The following ATP1A3 variants were observed in gnomAD, a reference collection of about 807,000 sequenced individuals.
The protein encoded by ATP1A3 is ATPase Na+/K+ transporting subunit alpha 3, also known as sodium/potassium-transporting ATPase subunit alpha-3.
Under a neutral mutation model 108.8 loss-of-function variants are expected in ATP1A3, and 12 were observed. The ratio of observed to expected loss-of-function variants is 0.11; its 90% CI spans 0.07 to 0.18. The LOEUF (loss-of-function observed/expected upper bound fraction) is 0.18, where lower values mean the gene tolerates loss of function less well. ATP1A3 is among the 10% of genes least tolerant of loss of function. ATP1A3 has a pLI of 1.00. For synonymous variants in ATP1A3, 539 were observed against 564.5 expected (o/e 0.95, Z 0.64); for missense variants, 498 against 1,387.7 (o/e 0.36, Z 10.19).
intron 14 of ATP1A3, 84 bp downstream of exon 14, chr19:41,977,852 C>T (rs1362510921): frequency 9.0e-5 from 140 of 1,564,226 alleles, no homozygotes; most frequent in Non-Finnish European, 1.2e-4. Context: ...ACAGGCAGTG[C>T]AGAGGGAGGT....
At chr19:41,982,892 T>TG (rs1555864018) in intron 8 of ATP1A3, among the ~76,000 whole-genome samples, 1 of 152,042 alleles carries the variant, frequency 6.6e-6, no homozygotes, top group East Asian at 1.9e-4. Context: ...ACCCTTGGGT[T>TG]GGGGGGCAGG....
Position 41,970,484 on chromosome 19 carries a change from G to A in ATP1A3, c.2322C>T (p.Ile774=). ...ACAGCAGGAAGGGCGTGATCTCCGG[G>A]ATATTGCTGGTCAGGGTGTAGGCAA... The part of the protein sequence containing the change: ...KSIAYTLTSN[I]PEITPFLLFI... Residue 774 remains isoleucine, a synonymous_variant, in exon 17 of 23, where the codon ATC becomes ATT. Coordinates refer to ENST00000648268, the MANE Select transcript of ATP1A3 (RefSeq NM_152296.5). 3.1e-6 allele frequency: 5 copies of A among 1,614,162 alleles called. No homozygotes were observed. Among genetic ancestry groups the A allele is most frequent in the East Asian group, 2.2e-5 (1 of 44,878 alleles).
rs879996553 is a variant in ATP1A3, at chr19:41,994,190, GCGTC to G, written c.-118_-115del. 5.1e-4 allele frequency: 522 copies of G among 1,029,134 alleles called. No individual in the cohort carries two copies. Among genetic ancestry groups the G allele is most frequent in the Middle Eastern group, 6.4e-4 (2 of 3,132 alleles). 63.8% of individuals were successfully genotyped at this position (1,029,134 alleles called of 1,614,324 possible). A position where few individuals can be genotyped will look rare whatever the true frequency, so the allele number is the denominator to read the frequency against. On this transcript the variant is annotated 5_prime_UTR_variant, in exon 1 of 23. Transcript: ENST00000648268. ...AGCGCCCGCGCCTCGGTAGGTGCGC[GCGTC>G]CGTCCGTCCGTCCGTTGGTCCCACC... is the stretch of plus-strand genomic sequence containing the variant.
In ATP1A3 at chr19:41,981,491, G is replaced by A; in HGVS notation, c.1437+11C>T. The stretch of plus-strand genomic sequence containing the variant: ...AGGTCCAGGCTGGCTCTCCCGGAAA[G>A]CCCAGAGTACCTGGTATTTGTTGGT... On this transcript the variant is annotated intron_variant, in intron 11 of 22. Coordinates refer to ENST00000648268, the MANE Select transcript of ATP1A3 (RefSeq NM_152296.5). This position sits in a 1 kb window ranked among gnomAD's most constrained non-coding sequence, Gnocchi z 5.0. 6.2e-7 allele frequency: 1 copy of A among 1,614,208 alleles called. No individual in the cohort carries two copies. The highest frequency in any genetic ancestry group is 8.5e-7 in the Non-Finnish European group (1 of 1,180,042).
In ATP1A3 at chr19:41,967,444, G is replaced by A. The variant is rs372991381; in HGVS notation, c.2922-104C>T. ...GAGGGGCAGTCTCCCAGGATCCTTC[G>A]TGCTCACAGGTGGAGGGTGCCCTGG... On this transcript the variant is annotated intron_variant, in intron 21 of 22. Transcript: ENST00000648268. The surrounding 1 kb of genome is among the most constrained non-coding windows in gnomAD (Gnocchi z 4.2). 15 of 1,357,172 alleles carry A rather than the reference G, an allele frequency of 1.1e-5. No individual in the cohort carries two copies. Among genetic ancestry groups the A allele is most frequent in the South Asian group, 5.0e-5 (4 of 79,356 alleles). The allele number at this position is 1,357,172 out of a possible 1,614,324, so 84.1% of individuals were successfully genotyped here.
At chr19:41,993,464 A>G in intron 1 of ATP1A3, 1 of 1,532,396 alleles carries the variant, frequency 6.5e-7, no homozygotes, top group South Asian at 1.2e-5. Context: ...CTGCACACAC[A>G]CACACTGCAG....
chr19:41,967,134 G>A lies in ATP1A3; in HGVS notation c.3013+115C>T. Reference sequence around the variant, plus strand: ...GTGCCCGGAGAGATGGGAAGAGAGAGAAGAGTGGGAACCAGGTGGCAGAGC... The same window carrying A: ...GTGCCCGGAGAGATGGGAAGAGAGAAAAGAGTGGGAACCAGGTGGCAGAGC... On this transcript the variant is annotated intron_variant, in intron 22 of 22. Transcript: ENST00000648268. The surrounding 1 kb of genome is among the most constrained non-coding windows in gnomAD (Gnocchi z 4.2). 1 of 1,569,136 alleles carries A rather than the reference G, an allele frequency of 6.4e-7. No individual in the cohort carries two copies. Among genetic ancestry groups the A allele is most frequent in the Non-Finnish European group, 8.6e-7 (1 of 1,157,134 alleles).
chr19:41,974,064 C>A (rs1354565348), intron 16 of ATP1A3, among the ~76,000 whole-genome samples: 1 of 152,170 alleles, frequency 6.6e-6, no homozygotes, highest in African/African-American at 2.4e-5. Context: ...AACCCCATCT[C>A]TACTAAAAAT....
In ATP1A3 at chr19:41,967,217, C is replaced by T. The variant is rs2075052360; in HGVS notation, c.3013+32G>A. ...CTGCCTGAGACCCTGCTGCCCCCCG[C>T]CCCCCTCGGCTGCCTTGCCGAGCTC... On this transcript the variant is annotated intron_variant, in intron 22 of 22. Transcript: ENST00000648268. The surrounding 1 kb of genome is among the most constrained non-coding windows in gnomAD (Gnocchi z 4.2). 2 of 1,613,654 alleles carry T rather than the reference C, an allele frequency of 1.2e-6. No homozygotes were observed. The highest frequency in any genetic ancestry group is 2.7e-5 in the African/African-American group (2 of 74,910).
Position 41,982,185 on chromosome 19 carries a change from C to A in ATP1A3, c.994-79G>T, listed in dbSNP as rs144037496. ...TGGATGAGCGACACGAGGGCCACAG[C>A]CCAGCTGCCCAGCCCCCAGAGAATC... On this transcript the variant is annotated intron_variant, in intron 8 of 22. Coordinates refer to ENST00000648268, the MANE Select transcript of ATP1A3 (RefSeq NM_152296.5). 546 of 1,609,134 alleles carry A rather than the reference C, an allele frequency of 3.4e-4. 5 individuals carry two copies. The African/African-American group carries it at 6.6e-3, about 19-fold the overall frequency.
chr19:41,994,218 C>A lies in ATP1A3; in HGVS notation c.-142G>T. On this transcript the variant is annotated 5_prime_UTR_variant, in exon 1 of 23. Coordinates refer to ENST00000648268, the MANE Select transcript of ATP1A3 (RefSeq NM_152296.5). Reference sequence around the variant, plus strand: ...TCCGTCCGTCCGTCCGTTGGTCCCACCGCACAGAGGCTGCGGCGGCCGCCG... The same window carrying A: ...TCCGTCCGTCCGTCCGTTGGTCCCAACGCACAGAGGCTGCGGCGGCCGCCG... 1.3e-6 allele frequency: 1 copy of A among 773,210 alleles called. No homozygotes were observed. Among genetic ancestry groups the A allele is most frequent in the South Asian group, 2.3e-5 (1 of 43,296 alleles). The allele number at this position is 773,210 out of a possible 1,614,324, so 47.9% of individuals were successfully genotyped here.
At position 41,967,706 on chromosome 19, in the gene ATP1A3, G is replaced by A. The variant is rs782204758; in HGVS notation, c.2877C>T (p.Ser959=). 6 of 1,613,978 alleles carry A rather than the reference G, an allele frequency of 3.7e-6. No individual in the cohort carries two copies. The African/African-American group carries it at 8.0e-5, about 22-fold the overall frequency. ...GGGCCACGTCCATGCCGGGGCAGTA[G>A]GACAGGAAGGCAGCCAGGGCCGTCT... is the stretch of plus-strand genomic sequence containing the variant. ...FEETALAAFL[S]YCPGMDVALR... Residue 959 remains serine, a synonymous_variant, in exon 21 of 23, where the codon TCC becomes TCT. Transcript: ENST00000648268. The surrounding 1 kb of genome is among the most constrained non-coding windows in gnomAD (Gnocchi z 4.2).
In ATP1A3 at chr19:41,981,657, C is replaced by T. The variant is rs373596627; in HGVS notation, c.1303-21G>A. 3.2e-5 allele frequency: 52 copies of T among 1,614,136 alleles called. No homozygotes were observed. The African/African-American group carries it at 5.1e-4, about 16-fold the overall frequency. ...TCCCTCTGCAAGGAGAAAGGGTTGT[C>T]AGAACAGGGACAGCTGAGGGGAGGA... On this transcript the variant is annotated intron_variant, in intron 10 of 22. Transcript: ENST00000648268. This position sits in a 1 kb window ranked among gnomAD's most constrained non-coding sequence, Gnocchi z 5.0.
At chr19:41,983,330 G>A (rs907385090) in intron 8 of ATP1A3, among the ~76,000 whole-genome samples, 7 of 151,766 alleles carry the variant, frequency 4.6e-5, no homozygotes, top group Non-Finnish European at 8.8e-5. Flanking sequence ...CACCCACCTC[G>A]GATTCCCAAA....
chr19:41,993,517 A>G, intron 1 of ATP1A3: 3 of 1,164,416 alleles, frequency 2.6e-6, no homozygotes, highest in African/African-American at 1.5e-5. Flanking sequence ...ACACACACAC[A>G]CACACACACA....
intron 4 of ATP1A3, among the ~76,000 whole-genome samples, chr19:41,987,035 T>C (rs1183001461): frequency 7.9e-5 from 12 of 152,182 alleles, no homozygotes; most frequent in Admixed American, 7.9e-4. Context: ...TGAGCCACCA[T>C]GCCCGACTTG....
At position 41,967,433 on chromosome 19, in the gene ATP1A3, C is replaced by T. The variant is rs1555858874; in HGVS notation, c.2922-93G>A. On this transcript the variant is annotated intron_variant, in intron 21 of 22. Coordinates refer to ENST00000648268, the MANE Select transcript of ATP1A3 (RefSeq NM_152296.5). This position sits in a 1 kb window ranked among gnomAD's most constrained non-coding sequence, Gnocchi z 4.2. The stretch of plus-strand genomic sequence containing the variant: ...GAGGGGACGCAGAGGGGCAGTCTCC[C>T]AGGATCCTTCGTGCTCACAGGTGGA... The T allele has an allele frequency of 7.0e-7, 1 of 1,422,624 alleles. No homozygotes were observed. The highest frequency in any genetic ancestry group is 1.4e-5 in the African/African-American group (1 of 70,882). 88.1% of individuals were successfully genotyped at this position (1,422,624 alleles called of 1,614,324 possible).
chr19:41,978,599 C>T lies in ATP1A3; in HGVS notation c.1630+7G>A, dbSNP rs782743039. 2.0e-5 allele frequency: 33 copies of T among 1,612,868 alleles called. No homozygotes were observed. Among genetic ancestry groups the T allele is most frequent in the Non-Finnish European group, 2.2e-5 (26 of 1,179,970 alleles). On this transcript the variant is annotated splice_region_variant and intron_variant, in intron 12 of 22. Coordinates refer to ENST00000648268, the MANE Select transcript of ATP1A3 (RefSeq NM_152296.5). The surrounding 1 kb of genome is among the most constrained non-coding windows in gnomAD (Gnocchi z 8.3). ...GGGACCCCAGAGCCCGCCCGGCAGC[C>T]TCGCACCAAGCACGCGCTCGCCCAG...
rs373698149 is a variant in ATP1A3 at position 41,982,110 on chromosome 19, G to C, written c.994-4C>G. The C allele has an allele frequency of 8.6e-5, 138 of 1,614,016 alleles. No individual in the cohort carries two copies. Among genetic ancestry groups the C allele is most frequent in the Non-Finnish European group, 1.0e-4 (123 of 1,180,034 alleles). ...TGGCGGTCAGCGTCAGACACACCTG[G>C]AGGACGAGCAAGGGCAGGCAAGTTA... is the stretch of plus-strand genomic sequence containing the variant. On this transcript the variant is annotated splice_region_variant and splice_polypyrimidine_tract_variant and intron_variant, in intron 8 of 22. Transcript: ENST00000648268.
Sources: gnomAD v4.1 joint callset for allele counts (sites outside exome capture counted in the v4.1 genomes callset) on GRCh38, gnomAD v4.1.1 for gene constraint, Gnocchi (gnomAD v3.1) non-coding constraint, MANE v1.5 for transcripts, NCBI Gene and HGNC (gene_info 2026-07-23, HGNC 2026-07-21) for gene names.